Variants in FAM117B observed in about 807,000 individuals in gnomAD.
The protein encoded by FAM117B is family with sequence similarity 117 member B, also known as protein FAM117B.
FAM117B carries 22 observed loss-of-function variants against 52.8 expected under a neutral mutation model. The ratio of observed to expected loss-of-function variants is 0.42; its 90% confidence interval spans 0.30 to 0.59. The LOEUF (loss-of-function observed/expected upper bound fraction) is 0.59. FAM117B is among the 20% of genes least tolerant of loss of function. FAM117B has a pLI of 0.22. For missense variants in FAM117B, 678 were observed against 802.6 expected, an observed-to-expected ratio of 0.84 and a Z score of 1.88; for synonymous variants, 309 against 324.1, an observed-to-expected ratio of 0.95 and a Z score of 0.50.
intron 1 of FAM117B, among the ~76,000 whole-genome samples, chr2:202,666,495 AT>A (rs980030761): frequency 4.0e-5 from 6 of 150,394 alleles, no homozygotes; most frequent in African/African-American, 9.8e-5. Flanking sequence ...AGCCAGCCAC[AT>A]TTTTTTTTAA....
intron 4 of FAM117B, among the ~76,000 whole-genome samples, chr2:202,751,708 G>A (rs913238004): frequency 2.0e-5 from 3 of 149,178 alleles, no homozygotes; most frequent in Non-Finnish European, 4.4e-5. Context: ...GGAGGCTGTG[G>A]TTGCAGTGAG....
chr2:202,680,434 A>G (rs1308835265), intron 1 of FAM117B, among the ~76,000 whole-genome samples: 1 of 152,210 alleles, frequency 6.6e-6, no homozygotes, highest in Non-Finnish European at 1.5e-5. Context: ...AAAAGTCTGA[A>G]GAAATAATGA....
At chr2:202,723,899 A>G (rs1240272597) in intron 2 of FAM117B, among the ~76,000 whole-genome samples, 1 of 152,188 alleles carries the variant, frequency 6.6e-6, no homozygotes, top group Non-Finnish European at 1.5e-5. Context: ...AGTTTATATT[A>G]GCAAATTGCT....
At chr2:202,739,517 G>C (rs1691492389) in intron 4 of FAM117B, among the ~76,000 whole-genome samples, 1 of 142,336 alleles carries the variant, frequency 7.0e-6, no homozygotes, top group Non-Finnish European at 1.5e-5. Flanking sequence ...GGCTAGAATG[G>C]AGTGACCATG....
intron 4 of FAM117B, among the ~76,000 whole-genome samples, chr2:202,741,246 G>A (rs570603277): frequency 5.9e-5 from 9 of 151,486 alleles, no homozygotes; most frequent in South Asian, 4.2e-4. Flanking sequence ...ATGGTGAAAC[G>A]CCATCTCTAC....
intron 4 of FAM117B, among the ~76,000 whole-genome samples, chr2:202,754,909 A>C (rs1473695302): frequency 6.7e-6 from 1 of 148,386 alleles, no homozygotes; most frequent in Admixed American, 6.7e-5. Context: ...AAAAAAAAAG[A>C]GGCTTAATTG....
intron 2 of FAM117B, among the ~76,000 whole-genome samples, chr2:202,699,899 G>C (rs1349889935): frequency 6.6e-6 from 1 of 152,100 alleles, no homozygotes; most frequent in Admixed American, 6.6e-5. Context: ...GGTAGTTCTT[G>C]CAATATTTCA....
chr2:202,656,377 G>A (rs976930993), intron 1 of FAM117B, among the ~76,000 whole-genome samples: 1 of 152,074 alleles, frequency 6.6e-6, no homozygotes, highest in African/African-American at 2.4e-5. Context: ...CAGTTGTTTA[G>A]CTGCATGTCA....
In FAM117B at chr2:202,722,776, C is replaced by T. The variant is rs555474148; in HGVS notation, c.754-2141C>T. Among the ~76,000 whole-genome samples, 22 of 151,626 alleles carry T rather than the reference C, an allele frequency of 1.5e-4. No individual in the cohort carries two copies. In the South Asian group the frequency reaches 1.9e-3, roughly 13 times the overall value. On this transcript the variant is annotated intron_variant, in intron 2 of 7. Coordinates refer to ENST00000392238, the MANE Select transcript of FAM117B (RefSeq NM_173511.4). ...ATCTGTACAACAAACCCCCATGACA[C>T]GAGTTTACCTGTTTACCTATGTAAC... is the stretch of plus-strand genomic sequence containing the variant.
chr2:202,766,095 CA>C lies in FAM117B; in HGVS notation c.*332del, dbSNP rs1559119008. On this transcript the variant is annotated 3_prime_UTR_variant, in exon 8 of 8. Transcript: ENST00000392238. ...ACACACACACACACACACACACACA[CA>C]CACACACACACCCCTGATCCTTGCC... is the stretch of plus-strand genomic sequence containing the variant. 51 of 239,262 alleles carry C rather than the reference CA, an allele frequency of 2.1e-4. No individual in the cohort carries two copies. Among genetic ancestry groups the C allele is most frequent in the Non-Finnish European group, 3.0e-4 (36 of 121,846 alleles). 14.8% of individuals were successfully genotyped at this position (239,262 alleles called of 1,614,324 possible).
rs1034994079 is a variant in FAM117B, at chr2:202,768,988, G to T, written c.*3224G>T. The T allele has an allele frequency of 6.6e-6, 1 of 151,698 alleles. No homozygotes were observed. The highest frequency in any genetic ancestry group is 2.4e-5 in the African/African-American group (1 of 41,260). The allele number at this position is 151,698 out of a possible 1,614,324, so 9.4% of individuals were successfully genotyped here. Reference sequence around the variant, plus strand: ...CTATTACTTGTCATGGCTTTTGTACGCAACTGTGTTTTAAAAATACCGGTT... The same window carrying T: ...CTATTACTTGTCATGGCTTTTGTACTCAACTGTGTTTTAAAAATACCGGTT... On this transcript the variant is annotated 3_prime_UTR_variant, in exon 8 of 8. Coordinates refer to ENST00000392238, the MANE Select transcript of FAM117B (RefSeq NM_173511.4).
chr2:202,690,004 G>A (rs1010800313), intron 1 of FAM117B, among the ~76,000 whole-genome samples: 16 of 152,212 alleles, frequency 1.1e-4, no homozygotes, highest in Admixed American at 8.5e-4. Context: ...GGTTTATCAA[G>A]GTCTGTAGAA....
At chr2:202,660,392 A>G (rs2105760965) in intron 1 of FAM117B, among the ~76,000 whole-genome samples, 1 of 152,016 alleles carries the variant, frequency 6.6e-6, no homozygotes, top group Non-Finnish European at 1.5e-5. Context: ...TCTAATGTCA[A>G]TTTACTTTTC....
At chr2:202,765,108 A>T (rs1691955111) in intron 7 of FAM117B, among the ~76,000 whole-genome samples, 1 of 152,320 alleles carries the variant, frequency 6.6e-6, no homozygotes, top group East Asian at 1.9e-4. Context: ...TGCTATAGGA[A>T]ATTCATTATT....
chr2:202,683,505 G>A (rs546847463), intron 1 of FAM117B, among the ~76,000 whole-genome samples: 7 of 152,090 alleles, frequency 4.6e-5, no homozygotes, highest in Admixed American at 1.3e-4. Flanking sequence ...ACTACAGATC[G>A]TACATAAAAG....
chr2:202,727,535 A>T (rs1440760553), intron 4 of FAM117B, among the ~76,000 whole-genome samples: 1 of 152,084 alleles, frequency 6.6e-6, no homozygotes, highest in African/African-American at 2.4e-5. Context: ...AAATATAATT[A>T]AAAGTACAAA....
chr2:202,737,223 C>T (rs1234282397), intron 4 of FAM117B, among the ~76,000 whole-genome samples: 1 of 152,004 alleles, frequency 6.6e-6, no homozygotes, highest in African/African-American at 2.4e-5. Context: ...ATGTAACTGT[C>T]TCTAGGAAAG....
intron 2 of FAM117B, among the ~76,000 whole-genome samples, chr2:202,698,391 C>T (rs1436000430): frequency 6.6e-6 from 1 of 152,166 alleles, no homozygotes; most frequent in African/African-American, 2.4e-5. Context: ...ACTCTGTACT[C>T]ATCAAAAGTA....
At chr2:202,752,646 A>G (rs1422610847) in intron 4 of FAM117B, among the ~76,000 whole-genome samples, 1 of 151,968 alleles carries the variant, frequency 6.6e-6, no homozygotes, top group African/African-American at 2.4e-5. Flanking sequence ...AACTTTCCTA[A>G]ATGAAGGATA....
Sources: allele counts gnomAD v4.1 joint callset (sites outside exome capture counted in the v4.1 genomes callset), GRCh38; gene constraint gnomAD v4.1.1; transcripts MANE v1.5; gene names NCBI Gene and HGNC (gene_info 2026-07-23, HGNC 2026-07-21).